Variants in RTN4 observed in about 807,000 individuals in gnomAD.
RTN4 encodes the protein reticulon-4.
In RTN4, 32 loss-of-function variants were observed where a neutral mutation model predicts 90.4. The observed-to-expected ratio is 0.35, with a 90% CI of 0.27 to 0.48. The LOEUF is 0.48. Ranked by LOEUF, RTN4 falls within the 20% of genes least tolerant of loss-of-function variation. The pLI, the probability that RTN4 is intolerant of heterozygous loss-of-function variation, is 0.99. For missense variants in RTN4, 1,706 were observed against 1,430.2 expected, an observed-to-expected ratio of 1.19 and a Z score of -3.11; for synonymous variants, 629 against 552.5, an observed-to-expected ratio of 1.14 and a Z score of -1.94.
Position 54,987,546 on chromosome 2 carries a change from T to A in RTN4, c.3166A>T (p.Ile1056Leu). The change falls in exon 4 of 9, where the codon ATA (isoleucine) becomes TTA (leucine). Residue 1056 changes from isoleucine (I) to leucine (L), a missense_variant. Transcript: ENST00000337526. ...ATAGCTTGGATCACACCCTTGTATA[T>A]CCTAAAGCTGATGGTCACAGAGAGC... is the stretch of plus-strand genomic sequence containing the variant. The part of the protein sequence containing the change: ...ALLSVTISFR[I>L]YKGVIQAIQK... 6.2e-7 allele frequency: 1 copy of A among 1,614,150 alleles called. No individual in the cohort carries two copies. The highest frequency in any genetic ancestry group is 8.5e-7 in the Non-Finnish European group (1 of 1,180,022).
At chr2:55,119,139 C>A in the RTN4 span, among the ~76,000 whole-genome samples, 104 of 152,304 alleles carry the variant, frequency 6.8e-4, no homozygotes, top group East Asian at 9.6e-4. Flanking sequence ...AATTATTACA[C>A]CTGCAGAGAA....
At chr2:55,095,490 T>C (rs1371827730) in intron 1 of RTN4, among the ~76,000 whole-genome samples, 1 of 152,252 alleles carries the variant, frequency 6.6e-6, no homozygotes, top group African/African-American at 2.4e-5. Context: ...ACATTATTAA[T>C]TGAAGTCCAC....
At chr2:55,121,679 CT>C in the RTN4 span, among the ~76,000 whole-genome samples, 90 of 152,262 alleles carry the variant, frequency 5.9e-4, 1 homozygote, top group African/African-American at 2.1e-3. Context: ...TACTCTTCCT[CT>C]GATGATGACA....
chr2:55,113,033 C>G (rs1450683885), upstream of RTN4, among the ~76,000 whole-genome samples: 1 of 152,290 alleles, frequency 6.6e-6, no homozygotes, highest in East Asian at 1.9e-4. Context: ...AGTGGATGGT[C>G]CATAGATAGA....
chr2:54,978,546 T>C (rs747947957), intron 5 of RTN4, among the ~76,000 whole-genome samples: 2 of 152,014 alleles, frequency 1.3e-5, no homozygotes, highest in Non-Finnish European at 2.9e-5. Flanking sequence ...CAATGAGTTA[T>C]AGAGATACTT....
the RTN4 span, among the ~76,000 whole-genome samples, chr2:55,122,606 A>G: frequency 6.6e-6 from 1 of 152,242 alleles, no homozygotes; most frequent in East Asian, 1.9e-4. Context: ...GCAGCAGTCC[A>G]TGCACACATG....
At chr2:55,125,608 A>C in the RTN4 span, among the ~76,000 whole-genome samples, 1 of 152,164 alleles carries the variant, frequency 6.6e-6, no homozygotes, top group African/African-American at 2.4e-5. Flanking sequence ...TCTACTAAAA[A>C]TACAAAAATT....
At chr2:55,118,464 CA>C in the RTN4 span, among the ~76,000 whole-genome samples, 9 of 143,852 alleles carry the variant, frequency 6.3e-5, no homozygotes, top group Admixed American at 7.0e-5. Context: ...GACCCTGTCT[CA>C]AAAAAAAAAG....
At chr2:55,103,090 C>T (rs1017994283) in intron 1 of RTN4, among the ~76,000 whole-genome samples, 4 of 104,480 alleles carry the variant, frequency 3.8e-5, no homozygotes, top group African/African-American at 1.5e-4. Flanking sequence ...TGCACTCCAG[C>T]AACAAGGGCA....
Position 55,018,057 on chromosome 2 carries a change from G to A in RTN4, c.3013+7029C>T, listed in dbSNP as rs118073357. ...TTAGCCCAATGTCTGAAACACGGCA[G>A]AAGCTCAAAAACATTGTGCTTATTA... On this transcript the variant is annotated intron_variant, in intron 3 of 8. Transcript: ENST00000337526. 5.1e-4 allele frequency among the ~76,000 whole-genome samples: 78 copies of A among 152,308 alleles called. No homozygotes were observed. The East Asian group carries it at 0.014, about 27-fold the overall frequency.
At chr2:55,081,811 T>G (rs1668724475) in intron 1 of RTN4, among the ~76,000 whole-genome samples, 1 of 133,524 alleles carries the variant, frequency 7.5e-6, no homozygotes, top group South Asian at 2.2e-4. Context: ...TGCATTGAGT[T>G]AAGATCATAC....
chr2:55,082,114 G>A (rs1453933580), intron 1 of RTN4, among the ~76,000 whole-genome samples: 1 of 152,068 alleles, frequency 6.6e-6, no homozygotes, highest in African/African-American at 2.4e-5. Flanking sequence ...GCAATAATCT[G>A]TATAAAGACA....
At chr2:55,119,042 G>T in the RTN4 span, among the ~76,000 whole-genome samples, 4 of 152,298 alleles carry the variant, frequency 2.6e-5, no homozygotes, top group African/African-American at 9.6e-5. Context: ...GAGCTGCCTG[G>T]GGCCCCTTCC....
chr2:55,083,371 C>T (rs565684894), intron 1 of RTN4, among the ~76,000 whole-genome samples: 1 of 152,264 alleles, frequency 6.6e-6, no homozygotes, highest in African/African-American at 2.4e-5. Flanking sequence ...TGGTATGCAC[C>T]TGTGGTCCCA....
chr2:55,045,132 A>T (rs1197592373), intron 1 of RTN4, among the ~76,000 whole-genome samples: 1 of 152,244 alleles, frequency 6.6e-6, no homozygotes, highest in Non-Finnish European at 1.5e-5. Flanking sequence ...GCTTCATGAT[A>T]GTAAAAACTA....
At chr2:55,035,872 C>T (rs1385564763) in intron 1 of RTN4, among the ~76,000 whole-genome samples, 1 of 152,104 alleles carries the variant, frequency 6.6e-6, no homozygotes, top group Non-Finnish European at 1.5e-5. Context: ...AAATGAAAGA[C>T]AAGTTTCTTT....
intron 1 of RTN4, among the ~76,000 whole-genome samples, chr2:55,032,887 G>A (rs1396523069): frequency 2.0e-5 from 3 of 151,840 alleles, no homozygotes; most frequent in Non-Finnish European, 4.4e-5. Context: ...AAATTAGCCG[G>A]TGTAGTGGTG....
intron 2 of RTN4, among the ~76,000 whole-genome samples, chr2:55,076,590 C>T (rs189207098): frequency 4.0e-5 from 6 of 151,896 alleles, no homozygotes; most frequent in South Asian, 4.2e-4. Context: ...AGTACAGACG[C>T]GGTTTCACCA....
At chr2:55,079,372 G>GT (rs1050350669) in intron 2 of RTN4, among the ~76,000 whole-genome samples, 11 of 152,094 alleles carry the variant, frequency 7.2e-5, no homozygotes, top group African/African-American at 2.2e-4. Context: ...AGGAAGGAGA[G>GT]TTTTTTTTGT....
Sources: allele counts gnomAD v4.1 joint callset (sites outside exome capture counted in the v4.1 genomes callset), GRCh38; gene constraint gnomAD v4.1.1; transcripts MANE v1.5; gene names NCBI Gene and HGNC (gene_info 2026-07-23, HGNC 2026-07-21).